ANKRD28: variants seen among roughly 807,000 people sequenced by gnomAD.
ANKRD28 encodes the protein ankyrin repeat domain 28, also known as serine/threonine-protein phosphatase 6 regulatory ankyrin repeat subunit A.
In ANKRD28, 44 loss-of-function variants were observed where a neutral mutation model predicts 126.5. The observed-to-expected ratio is 0.35, with a 90% CI of 0.27 to 0.45. The LOEUF (loss-of-function observed/expected upper bound fraction) is 0.45, where lower values mean the gene tolerates loss of function less well. Among genes scored for constraint, ANKRD28 ranks in the 20% least tolerant of loss-of-function variants. The pLI is 1.00. For synonymous variants in ANKRD28, 442 were observed against 468.5 expected, an observed-to-expected ratio of 0.94 and a Z score of 0.73; for missense variants, 1,110 against 1,316.6, an observed-to-expected ratio of 0.84 and a Z score of 2.43.
intron 18 of ANKRD28, 53 bp from the exon 19 acceptor site, chr3:15,686,362 A>C (rs1178428619): frequency 7.3e-7 from 1 of 1,369,958 alleles, no homozygotes; most frequent in Non-Finnish European, 1.0e-6. Flanking sequence ...ATAAAATAGA[A>C]AATGTCCATC....
chr3:15,777,713 A>G (rs553918630), intron 2 of ANKRD28, among the ~76,000 whole-genome samples: 1 of 152,244 alleles, frequency 6.6e-6, no homozygotes, highest in Admixed American at 6.5e-5. Flanking sequence ...TGTACCCGAA[A>G]TATGGAGAAT....
chr3:15,839,266 A>G lies in ANKRD28; in HGVS notation c.27+20111T>C, dbSNP rs906923292. 2.0e-5 allele frequency among the ~76,000 whole-genome samples: 3 copies of G among 152,094 alleles called. No homozygotes were observed. The highest frequency in any genetic ancestry group is 4.4e-5 in the Non-Finnish European group (3 of 68,022). Reference sequence around the variant, plus strand: ...TTTATGGTATATAAATTATACCTCAATAAACTGTTAAAAAAAAAACACACT... The same window carrying G: ...TTTATGGTATATAAATTATACCTCAGTAAACTGTTAAAAAAAAAACACACT... On this transcript the variant is annotated intron_variant, in intron 1 of 27. Coordinates refer to the ANKRD28 transcript ENST00000399451. This position sits in a 1 kb window ranked among gnomAD's most constrained non-coding sequence, Gnocchi z 4.3.
In ANKRD28 at chr3:15,737,139, GCTT is replaced by G; in HGVS notation, c.443_445del (p.Lys148_Ala149delinsThr). ...TACCAAAGCTTCAGCACACTTTACA[GCTT>G]TATTAGCAGCAGCTATATGTAAAGG... On this transcript the variant is annotated inframe_deletion, in exon 5 of 28. Transcript: ENST00000683139. 6.2e-7 allele frequency: 1 copy of G among 1,613,948 alleles called. No individual in the cohort carries two copies. Among genetic ancestry groups the G allele is most frequent in the Non-Finnish European group, 8.5e-7 (1 of 1,179,878 alleles).
intron 18 of ANKRD28, among the ~76,000 whole-genome samples, chr3:15,687,885 T>A (rs1174400251): frequency 6.6e-6 from 1 of 152,144 alleles, no homozygotes; most frequent in Non-Finnish European, 1.5e-5. Context: ...CTAAGTTCAA[T>A]ACCCAAACAG....
chr3:15,761,083 T>C (rs945135058), intron 3 of ANKRD28, among the ~76,000 whole-genome samples: 5 of 152,194 alleles, frequency 3.3e-5, no homozygotes, highest in African/African-American at 7.2e-5. Context: ...TTAGAGAATA[T>C]AGAACTCTTG....
chr3:15,823,564 C>T (rs1485785108), intron 1 of ANKRD28, among the ~76,000 whole-genome samples: 1 of 152,144 alleles, frequency 6.6e-6, no homozygotes, highest in Non-Finnish European at 1.5e-5. Flanking sequence ...AACTGGATAT[C>T]CACATTTCTT....
At chr3:15,825,358 T>A (rs1201085052) in intron 1 of ANKRD28, among the ~76,000 whole-genome samples, 1 of 152,218 alleles carries the variant, frequency 6.6e-6, no homozygotes, top group Admixed American at 6.5e-5. Context: ...ATTAAATCCA[T>A]AATCTCAATG....
chr3:15,714,556 A>G (rs920698668), intron 9 of ANKRD28, 22 bp downstream of exon 9: 3 of 1,551,544 alleles, frequency 1.9e-6, no homozygotes, highest in Admixed American at 2.3e-5. Flanking sequence ...AACCCCAAAA[A>G]AAAAACAGAA....
intron 1 of ANKRD28, among the ~76,000 whole-genome samples, chr3:15,851,544 AAAATAAATAAAT>A (rs141544673): frequency 0.16 from 23,521 of 145,460 alleles, 2,660 homozygotes; most frequent in East Asian, 0.55. Flanking sequence ...ACTCTGTGTC[AAAATAAATAAAT>A]AAATAAATAA....
chr3:15,775,633 A>G (rs1224357351), intron 2 of ANKRD28, among the ~76,000 whole-genome samples: 2 of 152,218 alleles, frequency 1.3e-5, no homozygotes, highest in African/African-American at 4.8e-5. Context: ...TTCTGGGAAC[A>G]CTTTATTTAT....
chr3:15,741,225 C>T (rs1023382338), intron 4 of ANKRD28, among the ~76,000 whole-genome samples: 3 of 151,608 alleles, frequency 2.0e-5, no homozygotes, highest in East Asian at 1.9e-4. Context: ...AAACAAAAAA[C>T]GTGTCAGATC....
chr3:15,835,242 C>G (rs2061296597), intron 1 of ANKRD28, among the ~76,000 whole-genome samples: 1 of 152,176 alleles, frequency 6.6e-6, no homozygotes. Context: ...CACCTCATTC[C>G]ATATACACAA....
intron 1 of ANKRD28, chr3:15,859,338 C>T (rs371531589): frequency 1.9e-4 from 289 of 1,520,110 alleles, no homozygotes; most frequent in Admixed American, 2.6e-4. Flanking sequence ...TCCCTTCCTT[C>T]CCGGACGGCG....
chr3:15,780,053 T>C lies in ANKRD28; in HGVS notation c.202-13741A>G, dbSNP rs138090945. 4.9e-4 allele frequency among the ~76,000 whole-genome samples: 75 copies of C among 152,158 alleles called. 1 individual carries two copies. The highest frequency in any genetic ancestry group is 1.5e-3 in the African/African-American group (62 of 41,506). On this transcript the variant is annotated intron_variant, in intron 2 of 27. Coordinates refer to ENST00000683139, the MANE Select transcript of ANKRD28 (RefSeq NM_001349278.2). ...CCACCCTCACCACTCCTATCCACCA[T>C]AGTGCTGCAAGTCCTAGCCAGAACA... is the stretch of plus-strand genomic sequence containing the variant.
chr3:15,820,019 G>T (rs992559732), intron 1 of ANKRD28, among the ~76,000 whole-genome samples: 3 of 152,200 alleles, frequency 2.0e-5, no homozygotes, highest in African/African-American at 7.2e-5. Context: ...TATTAATTTG[G>T]TCACATGGTA....
upstream of ANKRD28, among the ~76,000 whole-genome samples, chr3:15,798,646 G>GA (rs966949315): frequency 1.3e-3 from 192 of 148,974 alleles, no homozygotes; most frequent in African/African-American, 3.6e-3. Context: ...AGAGGTACAT[G>GA]AAAAAAAAAA....
intron 2 of ANKRD28, among the ~76,000 whole-genome samples, chr3:15,772,573 C>T (rs1182323086): frequency 6.6e-6 from 1 of 152,156 alleles, no homozygotes; most frequent in Non-Finnish European, 1.5e-5. Flanking sequence ...TATCATTCAA[C>T]TAAAACCAAC....
intron 4 of ANKRD28, among the ~76,000 whole-genome samples, chr3:15,743,713 T>C (rs1310604395): frequency 6.6e-6 from 1 of 152,112 alleles, no homozygotes; most frequent in African/African-American, 2.4e-5. Context: ...TCATAAATCA[T>C]AGTAGTAGAG....
chr3:15,809,786 A>G (rs80280721), intron 1 of ANKRD28, among the ~76,000 whole-genome samples: 1 of 152,240 alleles, frequency 6.6e-6, no homozygotes, highest in African/African-American at 2.4e-5. Context: ...AATCATAGAT[A>G]AAATGTTGTC....
Sources: gnomAD v4.1 joint callset for allele counts (sites outside exome capture counted in the v4.1 genomes callset) on GRCh38, gnomAD v4.1.1 for gene constraint, Gnocchi (gnomAD v3.1) non-coding constraint, MANE v1.5 for transcripts, NCBI Gene and HGNC (gene_info 2026-07-23, HGNC 2026-07-21) for gene names.